The following METTL15 variants were observed in gnomAD, a reference collection of about 807,000 sequenced individuals.
The protein encoded by METTL15 is 12S rRNA N(4)-cytidine methyltransferase METTL15.
A neutral mutation model predicts 38.3 loss-of-function variants in METTL15; 34 were observed. The observed-to-expected ratio is 0.89, with a 90% CI of 0.68 to 1.18. The LOEUF (loss-of-function observed/expected upper bound fraction) is 1.18, where lower values mean the gene tolerates loss of function less well. Among genes scored for constraint, METTL15 ranks in the 50% most tolerant of loss-of-function variants. The pLI, the probability that METTL15 is intolerant of heterozygous loss-of-function variation, is 0.00. For synonymous variants in METTL15, 162 were observed against 170.9 expected (o/e 0.95, Z 0.41); for missense variants, 438 against 498.4 (o/e 0.88, Z 1.15).
chr11:28,205,197 C>T (rs939522199), intron 3 of METTL15, among the ~76,000 whole-genome samples: 3 of 151,766 alleles, frequency 2.0e-5, no homozygotes, highest in Non-Finnish European at 4.4e-5. Context: ...TGCTGGTGTG[C>T]TGCACGCATT....
intron 6 of METTL15, among the ~76,000 whole-genome samples, chr11:28,497,944 C>T (rs1851549514): frequency 6.6e-6 from 1 of 151,470 alleles, no homozygotes; most frequent in Admixed American, 6.6e-5. Flanking sequence ...ATTCCAGCTA[C>T]TTGGGAAGCT....
chr11:28,116,311 A>G (rs1439280431), intron 3 of METTL15, among the ~76,000 whole-genome samples: 1 of 152,212 alleles, frequency 6.6e-6, no homozygotes, highest in Non-Finnish European at 1.5e-5. Context: ...AAAGTATTGT[A>G]GATTGTCTTC....
intron 3 of METTL15, among the ~76,000 whole-genome samples, chr11:28,185,623 T>C (rs1223637848): frequency 6.6e-6 from 1 of 151,364 alleles, no homozygotes; most frequent in South Asian, 2.1e-4. Flanking sequence ...TTAATCCACT[T>C]AGAAGTAAAA....
At chr11:28,117,235 A>ATGTGTGTGTGTG (rs375202595) in intron 3 of METTL15, among the ~76,000 whole-genome samples, 41 of 117,036 alleles carry the variant, frequency 3.5e-4, no homozygotes, top group East Asian at 1.7e-3. Context: ...CTATATATGT[A>ATGTGTGTGTGTG]TGTGTGTGTG....
At chr11:28,163,252 A>G (rs974059682) in intron 3 of METTL15, 2 of 395,926 alleles carry the variant, frequency 5.1e-6, no homozygotes, top group Non-Finnish European at 8.9e-6. Context: ...TTTGATGATT[A>G]ATTTGTTGAT....
intron 4 of METTL15, among the ~76,000 whole-genome samples, chr11:28,240,865 C>G (rs1488881227): frequency 6.6e-6 from 1 of 151,910 alleles, no homozygotes; most frequent in African/African-American, 2.4e-5. Context: ...ATGGATAACC[C>G]TTTTAATCTT....
intron 6 of METTL15, among the ~76,000 whole-genome samples, chr11:28,493,222 C>T (rs1851510595): frequency 6.6e-6 from 1 of 152,034 alleles, no homozygotes. Flanking sequence ...AATCAGTTGG[C>T]CCTGGACCCC....
intron 4 of METTL15, among the ~76,000 whole-genome samples, chr11:28,223,644 C>T (rs1003468913): frequency 6.6e-6 from 1 of 152,136 alleles, no homozygotes; most frequent in Non-Finnish European, 1.5e-5. Flanking sequence ...ATGTCCTTTA[C>T]TCTGTCAAAA....
chr11:28,291,995 A>G (rs1415268063), intron 5 of METTL15, among the ~76,000 whole-genome samples: 2 of 152,116 alleles, frequency 1.3e-5, no homozygotes, highest in African/African-American at 4.8e-5. Flanking sequence ...TTTCAGGTAG[A>G]TGGTATAGAC....
intron 6 of METTL15, among the ~76,000 whole-genome samples, chr11:28,491,897 C>T (rs1194622587): frequency 6.6e-6 from 1 of 152,120 alleles, no homozygotes; most frequent in East Asian, 1.9e-4. Context: ...CCTGAACTCC[C>T]TTTCCCCGAT....
intron 5 of METTL15, among the ~76,000 whole-genome samples, chr11:28,374,789 A>G (rs1395418574): frequency 2.0e-5 from 3 of 150,804 alleles, no homozygotes; most frequent in African/African-American, 4.9e-5. Flanking sequence ...TCAGTATGGT[A>G]TTGGCTGTGG....
intron 6 of METTL15, chr11:28,328,121 G>A (rs760359480): frequency 1.9e-6 from 3 of 1,611,176 alleles, no homozygotes; most frequent in East Asian, 2.2e-5. Flanking sequence ...TTTCCCAGTG[G>A]CCCAAACTCT....
At chr11:28,461,474 C>A (rs535592840) in intron 6 of METTL15, among the ~76,000 whole-genome samples, 1 of 151,870 alleles carries the variant, frequency 6.6e-6, no homozygotes, top group South Asian at 2.1e-4. Context: ...TTTCTTCTTC[C>A]ACATGGTCTC....
At chr11:28,249,531 G>T (rs905254508) in intron 4 of METTL15, among the ~76,000 whole-genome samples, 2 of 151,828 alleles carry the variant, frequency 1.3e-5, no homozygotes, top group African/African-American at 4.8e-5. Flanking sequence ...CTTAAATATT[G>T]TATTTTCTTG....
chr11:28,311,412 C>T (rs1386435678), intron 6 of METTL15, among the ~76,000 whole-genome samples: 1 of 152,174 alleles, frequency 6.6e-6, no homozygotes, highest in Non-Finnish European at 1.5e-5. Context: ...TTGCCATCCT[C>T]CTGAAGTTGC....
chr11:28,425,664 C>T lies in METTL15; in HGVS notation c.*424+1300C>T, dbSNP rs1288432108. 2.0e-5 allele frequency among the ~76,000 whole-genome samples: 3 copies of T among 152,204 alleles called. No individual in the cohort carries two copies. In the East Asian group the frequency reaches 5.8e-4, roughly 29 times the overall value. On this transcript the variant is annotated intron_variant and NMD_transcript_variant, in intron 6 of 7. Coordinates refer to the METTL15 transcript ENST00000532947. Reference sequence around the variant, plus strand: ...CTCATAGCACCCGCTAGCCTCCTATCAGAGCGTTGTAGTAAGTATTTCTAC... The same window carrying T: ...CTCATAGCACCCGCTAGCCTCCTATTAGAGCGTTGTAGTAAGTATTTCTAC...
intron 6 of METTL15, among the ~76,000 whole-genome samples, chr11:28,495,564 G>T (rs1281551810): frequency 6.6e-6 from 1 of 152,064 alleles, no homozygotes; most frequent in Non-Finnish European, 1.5e-5. Context: ...CTCTTGCCAA[G>T]TCAGGGCTTG....
At chr11:28,465,666 G>A (rs1379268704) in intron 6 of METTL15, among the ~76,000 whole-genome samples, 2 of 152,128 alleles carry the variant, frequency 1.3e-5, no homozygotes, top group Non-Finnish European at 2.9e-5. Flanking sequence ...AGCCCCAGAT[G>A]CCTCAGATAA....
At chr11:28,225,965 G>A (rs1052145046) in intron 4 of METTL15, among the ~76,000 whole-genome samples, 3 of 151,824 alleles carry the variant, frequency 2.0e-5, no homozygotes, top group Non-Finnish European at 2.9e-5. Context: ...TTTCTACAGT[G>A]TTGTTTATGG....
Sources: allele counts gnomAD v4.1 joint callset (sites outside exome capture counted in the v4.1 genomes callset), GRCh38; gene constraint gnomAD v4.1.1; transcripts MANE v1.5; gene names NCBI Gene and HGNC (gene_info 2026-07-23, HGNC 2026-07-21).